The following CFAP97D2 variants were observed in gnomAD, a reference collection of about 807,000 sequenced individuals.
CFAP97D2 encodes uncharacterized protein CFAP97D2.
At chr13:114,182,734 C>A (rs2080841085) in intron 1 of CFAP97D2, among the ~76,000 whole-genome samples, 1 of 152,166 alleles carries the variant, frequency 6.6e-6, no homozygotes, top group Admixed American at 6.5e-5. Context: ...TCCCTTAAAC[C>A]TTGATTTCAT....
intron 4 of CFAP97D2, among the ~76,000 whole-genome samples, chr13:114,220,628 C>T (rs1188308534): frequency 3.3e-5 from 5 of 152,238 alleles, no homozygotes; most frequent in Non-Finnish European, 4.4e-5. Flanking sequence ...CTGGAGCCCC[C>T]AGCTAACTGG....
intron 2 of CFAP97D2, among the ~76,000 whole-genome samples, chr13:114,198,656 T>A (rs2080899096): frequency 7.3e-6 from 1 of 137,432 alleles, no homozygotes; most frequent in South Asian, 2.3e-4. Context: ...TCCCCGTGTT[T>A]ACGGTCCCCG....
intron 4 of CFAP97D2, among the ~76,000 whole-genome samples, chr13:114,219,080 G>A (rs556820270): frequency 2.0e-5 from 3 of 152,318 alleles, no homozygotes; most frequent in African/African-American, 7.2e-5. Flanking sequence ...TACCATCAGA[G>A]TGAACAGGCA....
Position 114,211,703 on chromosome 13 carries a change from G to A in CFAP97D2, c.291-209G>A, listed in dbSNP as rs762569236. On this transcript the variant is annotated intron_variant, in intron 3 of 4. Coordinates refer to ENST00000646158, the Ensembl canonical transcript of CFAP97D2. The surrounding 1 kb of genome is among the most constrained non-coding windows in gnomAD (Gnocchi z 4.2). ...TCCCGCCGTGCAAAGCGAGCGCGCCGGGGCTGAGTGTGCCCTTCGCTCCTC... is the reference window on the plus strand; with the variant it reads ...TCCCGCCGTGCAAAGCGAGCGCGCCAGGGCTGAGTGTGCCCTTCGCTCCTC... Among the ~76,000 whole-genome samples, 11 of 152,324 alleles carry A rather than the reference G, an allele frequency of 7.2e-5. No homozygotes were observed. The highest frequency in any genetic ancestry group is 6.2e-4 in the South Asian group (3 of 4,824).
At chr13:114,212,847 G>T (rs76225137) in intron 4 of CFAP97D2, among the ~76,000 whole-genome samples, 1 of 151,872 alleles carries the variant, frequency 6.6e-6, no homozygotes, top group Non-Finnish European at 1.5e-5. Context: ...TCGAGACTCC[G>T]TCTCAAAATA....
At chr13:114,215,222 C>T (rs768211559) in intron 4 of CFAP97D2, among the ~76,000 whole-genome samples, 3 of 152,146 alleles carry the variant, frequency 2.0e-5, no homozygotes, top group African/African-American at 7.2e-5. Context: ...AAACTTTGGA[C>T]CATCTGATTT....
chr13:114,196,205 C>G (rs2080886553), intron 1 of CFAP97D2, among the ~76,000 whole-genome samples, 191 bp from the exon 2 acceptor site: 1 of 152,042 alleles, frequency 6.6e-6, no homozygotes, highest in Non-Finnish European at 1.5e-5. Flanking sequence ...AATAGAGGCT[C>G]ATTTCTGAGG....
At chr13:114,217,417 T>C (rs1330885746) in intron 4 of CFAP97D2, among the ~76,000 whole-genome samples, 2 of 152,182 alleles carry the variant, frequency 1.3e-5, no homozygotes, top group African/African-American at 4.8e-5. Context: ...CAGGACCAGA[T>C]GGATTCACAG....
chr13:114,200,990 G>T (rs1594518100), intron 3 of CFAP97D2, among the ~76,000 whole-genome samples: 1 of 152,182 alleles, frequency 6.6e-6, no homozygotes, highest in Non-Finnish European at 1.5e-5. Context: ...ATGTACCCCT[G>T]CATCCTGTGT....
chr13:114,198,907 G>C (rs577292733), intron 2 of CFAP97D2, among the ~76,000 whole-genome samples: 42 of 40,332 alleles, frequency 1.0e-3, no homozygotes, highest in Middle Eastern at 0.021. Flanking sequence ...CCCACCGAGG[G>C]GTGACGGCGC....
At chr13:114,196,290 G>A in intron 1 of CFAP97D2, 106 bp from the exon 2 acceptor site, 1 of 398,032 alleles carries the variant, frequency 2.5e-6, no homozygotes, top group Non-Finnish European at 4.4e-6. Flanking sequence ...CAGGCCGTGT[G>A]CTGACATGGA....
At chr13:114,193,297 C>A (rs957386220) in intron 1 of CFAP97D2, among the ~76,000 whole-genome samples, 1 of 152,132 alleles carries the variant, frequency 6.6e-6, no homozygotes, top group Non-Finnish European at 1.5e-5. Context: ...GATTTAATTG[C>A]ATATGAAAAT....
chr13:114,184,721 G>T (rs537430166), intron 1 of CFAP97D2, among the ~76,000 whole-genome samples: 1 of 152,294 alleles, frequency 6.6e-6, no homozygotes, highest in African/African-American at 2.4e-5. Context: ...GGAAGAAATA[G>T]CAGAAGAAAT....
At chr13:114,216,626 T>C (rs2080994566) in intron 4 of CFAP97D2, among the ~76,000 whole-genome samples, 2 of 152,222 alleles carry the variant, frequency 1.3e-5, no homozygotes, top group African/African-American at 4.8e-5. Flanking sequence ...GAACTCATCC[T>C]TTTTTATGGC....
Position 114,201,479 on chromosome 13 carries a change from G to A in CFAP97D2, c.290+1036G>A, listed in dbSNP as rs568574279. ...GGAAGGTGCTGCTCCAAGCTCAGGC[G>A]GGCCCTGCATGGTCCTGTGTGCTGG... is the stretch of plus-strand genomic sequence containing the variant. On this transcript the variant is annotated intron_variant, in intron 3 of 4. Transcript: ENST00000646158. Among the ~76,000 whole-genome samples the A allele has an allele frequency of 2.3e-4, 35 of 152,308 alleles. No individual in the cohort carries two copies. The South Asian group carries it at 3.3e-3, about 14-fold the overall frequency.
rs535061704 is a variant in CFAP97D2, at chr13:114,183,054, T to C, written c.90+3634T>C. Among the ~76,000 whole-genome samples, 4 of 152,302 alleles carry C rather than the reference T, an allele frequency of 2.6e-5. No homozygotes were observed. The East Asian group carries it at 7.7e-4, about 29-fold the overall frequency. On this transcript the variant is annotated intron_variant, in intron 1 of 4. Coordinates refer to ENST00000646158, the Ensembl canonical transcript of CFAP97D2. Reference sequence around the variant, plus strand: ...CCTGGACTTCTCTTGGATGGGCTTGTTAGTAGACTGGCACTCCTGAGGAAA... The same window carrying C: ...CCTGGACTTCTCTTGGATGGGCTTGCTAGTAGACTGGCACTCCTGAGGAAA...
intron 3 of CFAP97D2, among the ~76,000 whole-genome samples, chr13:114,210,914 T>C (rs1446722901): frequency 6.6e-6 from 1 of 151,502 alleles, no homozygotes; most frequent in East Asian, 2.0e-4. Context: ...GAGATGGAGA[T>C]GCATCTTGCA....
At chr13:114,212,464 C>T (rs956575324) in intron 4 of CFAP97D2, among the ~76,000 whole-genome samples, 3 of 152,168 alleles carry the variant, frequency 2.0e-5, no homozygotes, top group Non-Finnish European at 4.4e-5. Flanking sequence ...CTATAACCCC[C>T]AGCACTTTGG....
intron 4 of CFAP97D2, among the ~76,000 whole-genome samples, chr13:114,216,177 C>A (rs563969416): frequency 5.9e-5 from 9 of 152,282 alleles, no homozygotes; most frequent in African/African-American, 2.2e-4. Flanking sequence ...GTGCTTCTCC[C>A]AGCCTGTCTG....
Sources: allele counts gnomAD v4.1 joint callset (sites outside exome capture counted in the v4.1 genomes callset), GRCh38; gene constraint gnomAD v4.1.1; non-coding constraint Gnocchi (gnomAD v3.1); transcripts MANE v1.5; gene names NCBI Gene and HGNC (gene_info 2026-07-23, HGNC 2026-07-21).